Variants in CTNNA3 observed in about 807,000 individuals in gnomAD.
CTNNA3 encodes catenin alpha-3.
CTNNA3 carries 76 observed loss-of-function variants against 95.7 expected under a neutral mutation model. That is an observed-to-expected ratio of 0.79 (90% CI 0.66 to 0.96). The LOEUF is 0.96. CTNNA3 is among the 40% of genes least tolerant of loss of function. The pLI is 0.00. For missense variants in CTNNA3, 1,191 were observed against 1,089.8 expected (o/e 1.09, Z -1.31); for synonymous variants, 431 against 374.4 (o/e 1.15, Z -1.74).
At chr10:66,445,350 C>A (rs2093411583) in intron 11 of CTNNA3, among the ~76,000 whole-genome samples, 1 of 152,010 alleles carries the variant, frequency 6.6e-6, no homozygotes, top group Admixed American at 6.6e-5. Flanking sequence ...ACTCTCCACC[C>A]CAAATCAACA....
At chr10:66,470,962 G>T (rs1330257042) in intron 11 of CTNNA3, among the ~76,000 whole-genome samples, 1 of 151,840 alleles carries the variant, frequency 6.6e-6, no homozygotes, top group African/African-American at 2.4e-5. Flanking sequence ...ACTTTTACCA[G>T]CTTAAAATGG....
Position 67,053,083 on chromosome 10 carries a change from C to T in CTNNA3, c.1047+127234G>A, listed in dbSNP as rs932623276. On this transcript the variant is annotated intron_variant, in intron 7 of 17. Transcript: ENST00000433211. Reference sequence around the variant, plus strand: ...GCTAGAGCTATACCATCCCCTAAAACATGAAGAACTTTGTAATACTGCTTT... The same window carrying T: ...GCTAGAGCTATACCATCCCCTAAAATATGAAGAACTTTGTAATACTGCTTT... Among the ~76,000 whole-genome samples the T allele has an allele frequency of 4.4e-4, 67 of 152,144 alleles. 4 individuals are homozygous for T. Among genetic ancestry groups the T allele is most frequent in the Non-Finnish European group, 5.9e-5 (4 of 68,004 alleles).
At chr10:67,297,295 T>A (rs1353230993) in intron 5 of CTNNA3, among the ~76,000 whole-genome samples, 1 of 152,134 alleles carries the variant, frequency 6.6e-6, no homozygotes, top group East Asian at 1.9e-4. Context: ...GTCACCAACT[T>A]CACAAATATT....
chr10:67,138,961 T>C (rs1476926973), intron 7 of CTNNA3, among the ~76,000 whole-genome samples: 1 of 152,196 alleles, frequency 6.6e-6, no homozygotes, highest in African/African-American at 2.4e-5. Context: ...AGCTCTTATA[T>C]ATTTAGCAGA....
At chr10:67,220,568 G>T (rs1371690625) in intron 5 of CTNNA3, among the ~76,000 whole-genome samples, 1 of 152,116 alleles carries the variant, frequency 6.6e-6, no homozygotes, top group African/African-American at 2.4e-5. Flanking sequence ...TAAATGCTAT[G>T]AAGAAAACAC....
At chr10:66,483,576 A>T (rs1258997763) in intron 11 of CTNNA3, among the ~76,000 whole-genome samples, 1 of 152,164 alleles carries the variant, frequency 6.6e-6, no homozygotes, top group Non-Finnish European at 1.5e-5. Context: ...GTAAAATTTT[A>T]AAAAGGGTCT....
intron 13 of CTNNA3, among the ~76,000 whole-genome samples, chr10:66,276,113 C>T (rs1312389426): frequency 6.6e-6 from 1 of 152,070 alleles, no homozygotes; most frequent in Non-Finnish European, 1.5e-5. Flanking sequence ...CAAAAATTAA[C>T]CTTCATCAAG....
chr10:66,461,815 T>G (rs1292878673), intron 11 of CTNNA3, among the ~76,000 whole-genome samples: 951 of 65,136 alleles, frequency 0.015, 6 homozygotes, highest in African/African-American at 0.046. Flanking sequence ...ATATCTCCAA[T>G]TTTTTTTTTT....
intron 15 of CTNNA3, among the ~76,000 whole-genome samples, chr10:66,004,779 T>C (rs905766862): frequency 1.3e-5 from 2 of 152,262 alleles, no homozygotes; most frequent in Non-Finnish European, 2.9e-5. Context: ...GAATGCATTT[T>C]AATTCTTACA....
chr10:67,704,184 G>A, intron 1 of CTNNA3, among the ~76,000 whole-genome samples: 1 of 152,174 alleles, frequency 6.6e-6, no homozygotes, highest in Non-Finnish European at 1.5e-5. Flanking sequence ...TCAACATCGT[G>A]AAAATGGCCA....
intron 7 of CTNNA3, among the ~76,000 whole-genome samples, chr10:67,056,261 A>G (rs1435805189): frequency 2.6e-5 from 4 of 152,160 alleles, no homozygotes; most frequent in African/African-American, 9.7e-5. Context: ...TGGACCCACT[A>G]GGATGTGTTT....
At chr10:65,930,159 A>G (rs57294226) in intron 17 of CTNNA3, among the ~76,000 whole-genome samples, 3,101 of 141,678 alleles carry the variant, frequency 0.022, 119 homozygotes, top group African/African-American at 0.077. Context: ...CAGCTCGGTT[A>G]ATCACAATCC....
chr10:66,972,350 AG>A (rs1320576691), intron 7 of CTNNA3, among the ~76,000 whole-genome samples: 2 of 152,112 alleles, frequency 1.3e-5, no homozygotes, highest in Admixed American at 6.6e-5. Flanking sequence ...AGATGAAATG[AG>A]GTCTATGTTG....
intron 13 of CTNNA3, among the ~76,000 whole-genome samples, chr10:66,121,447 T>G (rs2082567510): frequency 6.6e-6 from 1 of 151,926 alleles, no homozygotes; most frequent in Non-Finnish European, 1.5e-5. Flanking sequence ...CCTCAGTTTC[T>G]TTTTTTAATA....
intron 5 of CTNNA3, among the ~76,000 whole-genome samples, chr10:67,459,389 T>C (rs889356997): frequency 2.0e-5 from 3 of 152,216 alleles, no homozygotes; most frequent in Non-Finnish European, 4.4e-5. Context: ...CAGTGTCTGA[T>C]TTCTGCCCAC....
chr10:66,012,046 G>A (rs1285937954), intron 15 of CTNNA3, among the ~76,000 whole-genome samples: 2 of 152,104 alleles, frequency 1.3e-5, no homozygotes, highest in African/African-American at 4.8e-5. Context: ...CTTCATGGAT[G>A]CAAAATAAAA....
intron 15 of CTNNA3, among the ~76,000 whole-genome samples, chr10:66,059,237 G>A (rs560444135): frequency 6.6e-6 from 1 of 152,194 alleles, no homozygotes; most frequent in South Asian, 2.1e-4. Context: ...CCCGTTTTCT[G>A]TAGCTATTTC....
At position 67,538,495 on chromosome 10, in the gene CTNNA3, T is replaced by C. The variant is rs1442480144; in HGVS notation, c.459+1008A>G. ...TATTCAGGAGGCTAAGGCTGGAGAA[T>C]TGCATGAACCCAGAAGGCAGAGATT... On this transcript the variant is annotated intron_variant, in intron 4 of 17. Transcript: ENST00000433211. Among the ~76,000 whole-genome samples the C allele has an allele frequency of 2.0e-5, 3 of 151,300 alleles. No homozygotes were observed. The East Asian group carries it at 5.8e-4, about 29-fold the overall frequency.
chr10:67,402,639 C>T (rs1844966645), intron 5 of CTNNA3, among the ~76,000 whole-genome samples: 1 of 152,270 alleles, frequency 6.6e-6, no homozygotes, highest in South Asian at 2.1e-4. Flanking sequence ...GAACCCCCAC[C>T]CCAGCCAAGG....
Sources: gnomAD v4.1 joint callset for allele counts (sites outside exome capture counted in the v4.1 genomes callset) on GRCh38, gnomAD v4.1.1 for gene constraint, MANE v1.5 for transcripts, NCBI Gene and HGNC (gene_info 2026-07-23, HGNC 2026-07-21) for gene names.